Variants in HORMAD2 observed in about 807,000 individuals in gnomAD.
HORMAD2 encodes the protein HORMA domain-containing protein 2.
HORMAD2 carries 45 observed loss-of-function variants against 38.8 expected under a neutral mutation model. That is an observed-to-expected ratio of 1.16 (90% CI 0.91 to 1.49). HORMAD2 has a LOEUF of 1.49. Among genes scored for constraint, HORMAD2 ranks in the 40% most tolerant of loss-of-function variants. The pLI is 0.00. For synonymous variants in HORMAD2, 126 were observed against 122.8 expected, an observed-to-expected ratio of 1.03 and a Z score of -0.17; for missense variants, 338 against 367.0, an observed-to-expected ratio of 0.92 and a Z score of 0.65.
chr22:30,194,227 G>T, the HORMAD2 span, among the ~76,000 whole-genome samples: 2 of 152,182 alleles, frequency 1.3e-5, no homozygotes, highest in Non-Finnish European at 2.9e-5. Context: ...TAGTCCAAAG[G>T]TTCACGTTTT....
intron 1 of HORMAD2, among the ~76,000 whole-genome samples, chr22:30,088,116 T>TACACACAC (rs370590549): frequency 6.7e-6 from 1 of 150,152 alleles, no homozygotes; most frequent in Non-Finnish European, 1.5e-5. Flanking sequence ...CGTGTACATA[T>TACACACAC]ACACACACGT....
chr22:30,125,170 AT>A (rs1040025157), intron 10 of HORMAD2, among the ~76,000 whole-genome samples: 9 of 70,214 alleles, frequency 1.3e-4, no homozygotes, highest in African/African-American at 4.6e-4. Context: ...ATGTTGCAAT[AT>A]TTTTTTCATG....
chr22:30,104,156 C>G (rs779189647), intron 4 of HORMAD2, among the ~76,000 whole-genome samples: 20 of 152,118 alleles, frequency 1.3e-4, no homozygotes, highest in Non-Finnish European at 2.1e-4. Context: ...ATATGTGTGT[C>G]AGTGTACTAA....
intron 10 of HORMAD2, among the ~76,000 whole-genome samples, chr22:30,155,831 AATTT>A (rs747850794): frequency 7.2e-5 from 11 of 152,204 alleles, no homozygotes; most frequent in South Asian, 2.1e-4. Flanking sequence ...TTAGCTTATT[AATTT>A]ATTTGATCAG....
intron 1 of HORMAD2, among the ~76,000 whole-genome samples, chr22:30,083,564 A>G (rs929483121): frequency 6.6e-6 from 1 of 152,170 alleles, no homozygotes; most frequent in Non-Finnish European, 1.5e-5. Flanking sequence ...CCTCCACAAA[A>G]CACCTGCTCA....
intron 5 of HORMAD2, among the ~76,000 whole-genome samples, chr22:30,110,156 A>AGAAAT (rs1163230918): frequency 6.6e-6 from 1 of 152,230 alleles, no homozygotes. Flanking sequence ...TAAGTAATCT[A>AGAAAT]GAAATGATTT....
chr22:30,144,725 T>C (rs1388515593), intron 10 of HORMAD2, among the ~76,000 whole-genome samples: 1 of 151,880 alleles, frequency 6.6e-6, no homozygotes, highest in East Asian at 1.9e-4. Flanking sequence ...GACCTCAGCA[T>C]TCTCGGTGGT....
chr22:30,079,508 C>CT (rs1249381094), upstream of HORMAD2, among the ~76,000 whole-genome samples: 11 of 151,468 alleles, frequency 7.3e-5, no homozygotes, highest in African/African-American at 9.7e-5. Flanking sequence ...TCTTTCTTTT[C>CT]TTTTTTTTTA....
chr22:30,111,499 A>C (rs1921652706), intron 5 of HORMAD2, among the ~76,000 whole-genome samples: 1 of 152,086 alleles, frequency 6.6e-6, no homozygotes, highest in Admixed American at 6.6e-5. Flanking sequence ...AAAAAAGAAA[A>C]AGGAAAATAC....
intron 3 of HORMAD2, among the ~76,000 whole-genome samples, chr22:30,101,006 A>T (rs534469721): frequency 1.3e-5 from 2 of 152,324 alleles, no homozygotes; most frequent in East Asian, 3.9e-4. Context: ...TAGTTCAACC[A>T]TTGTGGAAGA....
chr22:30,115,346 G>T (rs1921961446), intron 7 of HORMAD2, among the ~76,000 whole-genome samples: 1 of 152,046 alleles, frequency 6.6e-6, no homozygotes, highest in African/African-American at 2.4e-5. Context: ...GGTCTCAAAG[G>T]ATCCCCTTGC....
the HORMAD2 span, among the ~76,000 whole-genome samples, chr22:30,182,215 G>A: frequency 6.6e-6 from 1 of 152,156 alleles, no homozygotes; most frequent in Admixed American, 6.6e-5. Context: ...CTGTGAAATG[G>A]GGGCAATAGT....
chr22:30,136,910 G>T, intron 10 of HORMAD2: 2 of 485,696 alleles, frequency 4.1e-6, no homozygotes, highest in South Asian at 5.5e-5. Context: ...TCAATTTATT[G>T]ACCACTTCTT....
Position 30,093,935 on chromosome 22 carries a change from T to A in HORMAD2, c.-18T>A. The stretch of plus-strand genomic sequence containing the variant: ...TAATAGGTTGGACTTGTTGAAATAA[T>A]CCTGATACATTCCTACAATGGCCAC... On this transcript the variant is annotated 5_prime_UTR_variant, in exon 2 of 11. Transcript: ENST00000336726. The A allele has an allele frequency of 6.3e-7, 1 of 1,580,950 alleles. No individual in the cohort carries two copies. The highest frequency in any genetic ancestry group is 2.3e-5 in the East Asian group (1 of 44,290).
intron 10 of HORMAD2, among the ~76,000 whole-genome samples, chr22:30,122,539 TA>T (rs1418006716): frequency 1.3e-5 from 2 of 152,210 alleles, no homozygotes; most frequent in East Asian, 3.8e-4. Flanking sequence ...ATATTCTAGG[TA>T]TTTATTCATA....
chr22:30,203,712 C>G, the HORMAD2 span, among the ~76,000 whole-genome samples: 2 of 152,204 alleles, frequency 1.3e-5, no homozygotes, highest in Non-Finnish European at 2.9e-5. Flanking sequence ...CTCACACATT[C>G]TCAAATGCAC....
At chr22:30,110,362 C>G (rs998241204) in intron 5 of HORMAD2, among the ~76,000 whole-genome samples, 1 of 148,900 alleles carries the variant, frequency 6.7e-6, no homozygotes, top group Non-Finnish European at 1.5e-5. Context: ...AAAAAAATTG[C>G]TATCGAATTG....
the HORMAD2 span, among the ~76,000 whole-genome samples, chr22:30,204,364 A>T: frequency 6.6e-6 from 1 of 152,136 alleles, no homozygotes; most frequent in Non-Finnish European, 1.5e-5. Flanking sequence ...TTAGTTTTTC[A>T]TCCAAAAAGG....
At chr22:30,194,741 G>T in the HORMAD2 span, among the ~76,000 whole-genome samples, 18 of 152,320 alleles carry the variant, frequency 1.2e-4, no homozygotes, top group African/African-American at 4.3e-4. Flanking sequence ...CTGGAGGCAA[G>T]TAGTATCTTG....
Sources: allele counts gnomAD v4.1 joint callset (sites outside exome capture counted in the v4.1 genomes callset), GRCh38; gene constraint gnomAD v4.1.1; transcripts MANE v1.5; gene names NCBI Gene and HGNC (gene_info 2026-07-23, HGNC 2026-07-21).